CHMP7: variants seen among roughly 807,000 people sequenced by gnomAD.
CHMP7 encodes the protein CHMP family, member 7.
CHMP7 carries 15 observed loss-of-function variants against 53.7 expected under a neutral mutation model. The ratio of observed to expected loss-of-function variants is 0.28; its 90% CI spans 0.19 to 0.43. CHMP7 has a LOEUF of 0.43. Among genes scored for constraint, CHMP7 ranks in the 20% least tolerant of loss-of-function variants. The pLI, the probability that CHMP7 is intolerant of heterozygous loss-of-function variation, is 1.00. For missense variants in CHMP7, 527 were observed against 569.4 expected, an observed-to-expected ratio of 0.93 and a Z score of 0.76; for synonymous variants, 261 against 228.0, an observed-to-expected ratio of 1.14 and a Z score of -1.30.
chr8:23,258,861 G>C (rs1563412245), intron 8 of CHMP7, 31 bp downstream of exon 8: 4 of 1,450,018 alleles, frequency 2.8e-6, no homozygotes, highest in South Asian at 1.1e-5. Context: ...GGGACACACA[G>C]AGAAGGAGGT....
At chr8:23,255,164 C>A in intron 3 of CHMP7, 83 bp from the exon 4 acceptor site, 1 of 1,439,856 alleles carries the variant, frequency 6.9e-7, no homozygotes, top group Non-Finnish European at 9.7e-7. Flanking sequence ...CTTGTGTGAT[C>A]ATGGTTTTGA....
At chr8:23,245,474 G>A (rs550657073) in intron 1 of CHMP7, among the ~76,000 whole-genome samples, 26 of 152,254 alleles carry the variant, frequency 1.7e-4, no homozygotes, top group African/African-American at 4.6e-4. Context: ...AATAAATTCC[G>A]CTTTAACCTG....
At chr8:23,251,757 A>G (rs530248287) in intron 3 of CHMP7, among the ~76,000 whole-genome samples, 7 of 152,322 alleles carry the variant, frequency 4.6e-5, no homozygotes, top group Admixed American at 2.6e-4. Context: ...ATGATAATCT[A>G]TCGATATGCC....
At chr8:23,248,167 G>A (rs1473216833) in intron 2 of CHMP7, 2 of 456,118 alleles carry the variant, frequency 4.4e-6, no homozygotes, top group Non-Finnish European at 8.8e-6. Flanking sequence ...CATGCCTGAA[G>A]CAGGGAACAG....
At position 23,258,813 on chromosome 8, in the gene CHMP7, G is replaced by A. The variant is rs1406869482; in HGVS notation, c.1042G>A (p.Val348Met). Residue 348 changes from valine to methionine, a missense_variant, in exon 8 of 11, where the codon GTG becomes ATG. Physicochemically the swap from Val to Met is conservative, Grantham distance 21. Coordinates refer to ENST00000397677, the MANE Select transcript of CHMP7 (RefSeq NM_152272.5). ...DVTVEKAESL[V>M]DQIQELCDTQ... ...CACAGTGGAGAAGGCAGAGAGCCTC[G>A]TGGATCAGATCCAAGAGGTACAGAA... 5 of 1,609,404 alleles carry A rather than the reference G, an allele frequency of 3.1e-6. No individual in the cohort carries two copies. The highest frequency in any genetic ancestry group is 2.2e-5 in the South Asian group (2 of 90,924).
Position 23,249,367 on chromosome 8 carries a change from G to T in CHMP7, c.457G>T (p.Val153Leu). The T allele has an allele frequency of 6.2e-7, 1 of 1,603,992 alleles. No individual in the cohort carries two copies. Among genetic ancestry groups the T allele is most frequent in the Non-Finnish European group, 8.5e-7 (1 of 1,175,196 alleles). Residue 153 changes from valine (V) to leucine (L), a missense_variant, in exon 3 of 11, where the codon GTG becomes TTG. By Grantham distance (32) the Val-to-Leu change is conservative. Transcript: ENST00000397677. ...KVPAEEVLVA[V>L]ELLKEKAEEV... Reference sequence around the variant, plus strand: ...TCCAGCTGAGGAGGTCCTTGTCGCTGTGGAGCTGTTGAAGGTGGGTACTCA... The same window carrying T: ...TCCAGCTGAGGAGGTCCTTGTCGCTTTGGAGCTGTTGAAGGTGGGTACTCA...
chr8:23,252,526 TAGAG>T (rs550506232), intron 3 of CHMP7: 135 of 152,278 alleles, frequency 8.9e-4, no homozygotes, highest in African/African-American at 3.1e-3. Flanking sequence ...CTTTATGTGT[TAGAG>T]ATAGATATAT....
At chr8:23,244,595 G>A (rs144093594) in intron 1 of CHMP7, among the ~76,000 whole-genome samples, 1 of 152,200 alleles carries the variant, frequency 6.6e-6, no homozygotes, top group Non-Finnish European at 1.5e-5. Flanking sequence ...TGACTTATTT[G>A]TTCAATATTG....
Position 23,246,560 on chromosome 8 carries a change from C to T in CHMP7, c.-136C>T, listed in dbSNP as rs1801689871. On this transcript the variant is annotated 5_prime_UTR_variant, in exon 2 of 11. Coordinates refer to ENST00000397677, the MANE Select transcript of CHMP7 (RefSeq NM_152272.5). Reference sequence around the variant, plus strand: ...GCATGCGCCTTGAAGACTTATGGAACTTATTTCACGCTCAGGGCGGCGGTG... The same window carrying T: ...GCATGCGCCTTGAAGACTTATGGAATTTATTTCACGCTCAGGGCGGCGGTG... 1 of 714,970 alleles carries T rather than the reference C, an allele frequency of 1.4e-6. No individual in the cohort carries two copies. The highest frequency in any genetic ancestry group is 4.0e-4 in the Middle Eastern group (1 of 2,502). 44.3% of individuals were successfully genotyped at this position (714,970 alleles called of 1,614,324 possible). A position where few individuals can be genotyped will look rare whatever the true frequency, so the allele number is the denominator to read the frequency against.
At chr8:23,255,601 T>C (rs57455008) in intron 4 of CHMP7, among the ~76,000 whole-genome samples, 169 bp downstream of exon 4, 2,768 of 152,262 alleles carry the variant, frequency 0.018, 95 homozygotes, top group African/African-American at 0.063. Context: ...TCCATAGATT[T>C]CAGTTGTGCA....
chr8:23,253,357 C>T (rs1203156473), intron 3 of CHMP7, among the ~76,000 whole-genome samples: 2 of 152,218 alleles, frequency 1.3e-5, no homozygotes, highest in Non-Finnish European at 2.9e-5. Flanking sequence ...AATGTTGGCT[C>T]AGTGCAACCT....
chr8:23,259,871 C>A lies in CHMP7; in HGVS notation c.1121-273C>A. ...GCTGCGGCATTCCTCATTCACAAGG[C>A]TTCTGACTGGAGGATCCTCCTTCAA... On this transcript the variant is annotated intron_variant, in intron 9 of 10. Transcript: ENST00000397677. The A allele has an allele frequency of 1.0e-5, 4 of 400,564 alleles. No individual in the cohort carries two copies. The South Asian group carries it at 1.2e-4, about 12-fold the overall frequency. 24.8% of individuals were successfully genotyped at this position (400,564 alleles called of 1,614,324 possible).
chr8:23,258,633 A>G (rs1802235451), intron 7 of CHMP7, 99 bp from the exon 8 acceptor site: 2 of 1,244,426 alleles, frequency 1.6e-6, no homozygotes. Flanking sequence ...TTGGGTGCCA[A>G]AAAAAACACC....
chr8:23,260,979 A>C lies in CHMP7; in HGVS notation c.*380A>C. 2 of 262,532 alleles carry C rather than the reference A, an allele frequency of 7.6e-6. No individual in the cohort carries two copies. Among genetic ancestry groups the C allele is most frequent in the Non-Finnish European group, 1.5e-5 (2 of 137,660 alleles). The allele number at this position is 262,532 out of a possible 1,614,324, so 16.3% of individuals were successfully genotyped here. ...CTTTGCCAAATCTGAATCAGTTCCC[A>C]CTCCCCCCTGCGGTTTTTTAGAGGG... On this transcript the variant is annotated 3_prime_UTR_variant, in exon 11 of 11. Transcript: ENST00000397677.
At position 23,246,996 on chromosome 8, in the gene CHMP7, T is replaced by G; in HGVS notation, c.299+2T>G. ...CACGGTGCTGCAGGACCTGCTGCGG[T>G]GAGGGGCGGGCTGGGGCCAGGGCCG... On this transcript the variant is annotated splice_donor_variant, in intron 2 of 10. Coordinates refer to ENST00000397677, the MANE Select transcript of CHMP7 (RefSeq NM_152272.5). LOFTEE classifies it high-confidence loss of function. 1 of 1,496,612 alleles carries G rather than the reference T, an allele frequency of 6.7e-7. No homozygotes were observed. Among genetic ancestry groups the G allele is most frequent in the Non-Finnish European group, 8.9e-7 (1 of 1,124,082 alleles). 92.7% of individuals were successfully genotyped at this position (1,496,612 alleles called of 1,614,324 possible). A position where few individuals can be genotyped will look rare whatever the true frequency, so the allele number is the denominator to read the frequency against.
At chr8:23,251,164 G>A (rs536980797) in intron 3 of CHMP7, among the ~76,000 whole-genome samples, 271 of 152,326 alleles carry the variant, frequency 1.8e-3, no homozygotes, top group African/African-American at 6.4e-3. Flanking sequence ...GATCCCCACA[G>A]ATGAGGTTTG....
chr8:23,256,130 C>A (rs182862515), intron 4 of CHMP7, among the ~76,000 whole-genome samples: 5 of 152,148 alleles, frequency 3.3e-5, no homozygotes, highest in Non-Finnish European at 7.3e-5. Flanking sequence ...CAAAGAGAAG[C>A]GGTCAAGTGC....
At chr8:23,255,686 C>T (rs866349294) in intron 4 of CHMP7, among the ~76,000 whole-genome samples, 16 of 152,228 alleles carry the variant, frequency 1.1e-4, no homozygotes, top group South Asian at 1.0e-3. Context: ...AGCATCTCCC[C>T]GCCTGAGTCA....
rs1011499546 is a variant in CHMP7 at position 23,259,026 on chromosome 8, C to T, written c.1060-40C>T. On this transcript the variant is annotated intron_variant, in intron 8 of 10. Coordinates refer to ENST00000397677, the MANE Select transcript of CHMP7 (RefSeq NM_152272.5). ...CACCAAAGACTGAGATGCTCAGAGC[C>T]ACCATGCCCAGCTCAAGGCTTTGCA... is the stretch of plus-strand genomic sequence containing the variant. The T allele has an allele frequency of 3.6e-6, 5 of 1,381,472 alleles. No individual in the cohort carries two copies. The Admixed American group carries it at 6.7e-5, about 19-fold the overall frequency. 85.6% of individuals were successfully genotyped at this position (1,381,472 alleles called of 1,614,324 possible). A position where few individuals can be genotyped will look rare whatever the true frequency, so the allele number is the denominator to read the frequency against.
Sources: gnomAD v4.1 joint callset for allele counts (sites outside exome capture counted in the v4.1 genomes callset) on GRCh38, gnomAD v4.1.1 for gene constraint, MANE v1.5 for transcripts, NCBI Gene and HGNC (gene_info 2026-07-23, HGNC 2026-07-21) for gene names.